Variants in C1orf21 observed in about 807,000 individuals in gnomAD.
The protein encoded by C1orf21 is uncharacterized protein C1orf21.
A neutral mutation model predicts 18.7 loss-of-function variants in C1orf21; 3 were observed. The observed-to-expected ratio is 0.16, with a 90% CI of 0.07 to 0.42. C1orf21 has a LOEUF of 0.42. Ranked by LOEUF, C1orf21 falls within the 10% of genes least tolerant of loss-of-function variation. The pLI is 0.99. For synonymous variants in C1orf21, 41 were observed against 46.4 expected (o/e 0.88, Z 0.47); for missense variants, 104 against 143.6 (o/e 0.72, Z 1.41).
intron 1 of C1orf21, among the ~76,000 whole-genome samples, chr1:184,393,034 G>A (rs1210056472): frequency 6.6e-6 from 1 of 151,484 alleles, no homozygotes; most frequent in Non-Finnish European, 1.5e-5. Flanking sequence ...TTGCCATGTC[G>A]CCCAGGCTGG....
rs143344240 is a variant in C1orf21 at position 184,479,287 on chromosome 1, G to A, written c.94+1684G>A. On this transcript the variant is annotated intron_variant, in intron 2 of 5. Transcript: ENST00000235307. ...ATCCTGAAACGCTTGACTTTTAAGA[G>A]AAAATAATCTAACATCAGGGATTTG... 2.0e-5 allele frequency among the ~76,000 whole-genome samples: 3 copies of A among 152,286 alleles called. No individual in the cohort carries two copies. The East Asian group carries it at 5.8e-4, about 29-fold the overall frequency.
At chr1:184,525,403 T>G (rs910878581) in intron 3 of C1orf21, among the ~76,000 whole-genome samples, 1 of 152,164 alleles carries the variant, frequency 6.6e-6, no homozygotes, top group African/African-American at 2.4e-5. Flanking sequence ...GGTGACCTCT[T>G]TCCTTTCCAT....
rs192556461 is a variant in C1orf21 at position 184,520,131 on chromosome 1, C to G, written c.189+12449C>G. On this transcript the variant is annotated intron_variant, in intron 3 of 5. Transcript: ENST00000235307. ...TCAGTGCTCTGTATGATAACAGATG[C>G]CAAATTTCTTCCTTCTTTGAAAAGT... Among the ~76,000 whole-genome samples the G allele has an allele frequency of 2.3e-3, 355 of 152,228 alleles. 1 individual carries two copies. Among genetic ancestry groups the G allele is most frequent in the African/African-American group, 8.2e-3 (342 of 41,548 alleles).
chr1:184,428,143 A>T (rs1656670923), intron 1 of C1orf21, among the ~76,000 whole-genome samples: 1 of 152,212 alleles, frequency 6.6e-6, no homozygotes, highest in Non-Finnish European at 1.5e-5. Context: ...ACAGTAATTT[A>T]GGTATGGTGC....
chr1:184,623,471 CT>C lies in C1orf21; in HGVS notation c.*3920del, dbSNP rs1659957020. On this transcript the variant is annotated 3_prime_UTR_variant, in exon 6 of 6. Transcript: ENST00000235307. ...GTCTTCGTACCTCTCAGAGATTGGA[CT>C]TTTTCTTGTTTAAAACCCCAACCAA... is the stretch of plus-strand genomic sequence containing the variant. The C allele has an allele frequency of 6.6e-6, 1 of 152,076 alleles. No homozygotes were observed. The highest frequency in any genetic ancestry group is 1.5e-5 in the Non-Finnish European group (1 of 68,010). 9.4% of individuals were successfully genotyped at this position (152,076 alleles called of 1,614,324 possible).
intron 1 of C1orf21, among the ~76,000 whole-genome samples, chr1:184,471,768 C>T (rs1043118475): frequency 6.6e-6 from 1 of 152,110 alleles, no homozygotes; most frequent in African/African-American, 2.4e-5. Flanking sequence ...AGAGTTTTCC[C>T]ATAAAGAAGG....
At chr1:184,579,563 T>A (rs1659248347) in intron 3 of C1orf21, among the ~76,000 whole-genome samples, 2 of 145,872 alleles carry the variant, frequency 1.4e-5, no homozygotes, top group Admixed American at 7.1e-5. Context: ...CAGGCTGGAG[T>A]GCAGTGGCAC....
chr1:184,540,474 T>A (rs1010748270), intron 3 of C1orf21, among the ~76,000 whole-genome samples: 7 of 151,840 alleles, frequency 4.6e-5, no homozygotes, highest in Non-Finnish European at 1.0e-4. Flanking sequence ...CGCTCCTTCC[T>A]CCAGGCTGGA....
chr1:184,436,537 G>C (rs1015523408), intron 1 of C1orf21, among the ~76,000 whole-genome samples: 2 of 151,858 alleles, frequency 1.3e-5, no homozygotes, highest in Non-Finnish European at 2.9e-5. Flanking sequence ...GCCCCCAGGA[G>C]CCCTTGACAT....
rs74382637 is a variant in C1orf21 at position 184,503,485 on chromosome 1, G to A, written c.95-4103G>A. Among the ~76,000 whole-genome samples, 69 of 152,176 alleles carry A rather than the reference G, an allele frequency of 4.5e-4. No homozygotes were observed. The East Asian group carries it at 0.011, about 25-fold the overall frequency. On this transcript the variant is annotated intron_variant, in intron 2 of 5. Coordinates refer to ENST00000235307, the MANE Select transcript of C1orf21 (RefSeq NM_030806.4). Reference sequence around the variant, plus strand: ...TCAAGACAGCTGGTTTTCCTTGGGCGCTCTCTGCTGTCCTCCGTCCCCTCT... The same window carrying A: ...TCAAGACAGCTGGTTTTCCTTGGGCACTCTCTGCTGTCCTCCGTCCCCTCT...
chr1:184,452,592 G>T (rs996084155), intron 1 of C1orf21, among the ~76,000 whole-genome samples: 5 of 152,206 alleles, frequency 3.3e-5, no homozygotes, highest in African/African-American at 1.2e-4. Flanking sequence ...TTTGCATGTA[G>T]GAGGGCCACA....
chr1:184,423,901 CAAT>C (rs1254442257), intron 1 of C1orf21, among the ~76,000 whole-genome samples: 3 of 151,940 alleles, frequency 2.0e-5, no homozygotes, highest in Non-Finnish European at 4.4e-5. Flanking sequence ...ATCCATCCAT[CAAT>C]CTATCATTTA....
At chr1:184,560,296 C>A (rs1458759972) in intron 3 of C1orf21, among the ~76,000 whole-genome samples, 3 of 152,094 alleles carry the variant, frequency 2.0e-5, no homozygotes, top group Admixed American at 1.3e-4. Flanking sequence ...TATTAGATGA[C>A]TTTGGAGAGT....
At chr1:184,612,686 A>T (rs901051528) in intron 5 of C1orf21, among the ~76,000 whole-genome samples, 1 of 152,038 alleles carries the variant, frequency 6.6e-6, no homozygotes, top group African/African-American at 2.4e-5. Flanking sequence ...ATCTCAAAAA[A>T]CAAAAAAAAG....
chr1:184,510,812 A>G (rs997216491), intron 3 of C1orf21, among the ~76,000 whole-genome samples: 4 of 152,210 alleles, frequency 2.6e-5, no homozygotes, highest in East Asian at 1.9e-4. Flanking sequence ...TGGGATTACA[A>G]TTCAGGAATG....
intron 2 of C1orf21, among the ~76,000 whole-genome samples, chr1:184,490,373 T>C (rs1283481884): frequency 6.6e-6 from 1 of 152,204 alleles, no homozygotes; most frequent in Non-Finnish European, 1.5e-5. Flanking sequence ...GGGGGAAGAC[T>C]TGTAAAGAGG....
At chr1:184,480,361 T>G (rs1657635476) in intron 2 of C1orf21, among the ~76,000 whole-genome samples, 2 of 152,226 alleles carry the variant, frequency 1.3e-5, no homozygotes, top group Non-Finnish European at 2.9e-5. Flanking sequence ...TAGGGTTAAA[T>G]TATGGAGAAC....
chr1:184,497,074 G>A (rs748700403), intron 2 of C1orf21, among the ~76,000 whole-genome samples: 3 of 152,114 alleles, frequency 2.0e-5, no homozygotes, highest in Non-Finnish European at 4.4e-5. Flanking sequence ...TAATCGAACC[G>A]CTCTGAAACC....
intron 2 of C1orf21, among the ~76,000 whole-genome samples, chr1:184,480,933 A>G (rs189457428): frequency 2.4e-4 from 37 of 152,240 alleles, no homozygotes; most frequent in African/African-American, 8.2e-4. Context: ...TCCAGGTGGG[A>G]GAGCCTTCCA....
Sources: allele counts gnomAD v4.1 joint callset (sites outside exome capture counted in the v4.1 genomes callset), GRCh38; gene constraint gnomAD v4.1.1; transcripts MANE v1.5; gene names NCBI Gene and HGNC (gene_info 2026-07-23, HGNC 2026-07-21).